ZNF804B: variants seen among roughly 807,000 people sequenced by gnomAD.
ZNF804B encodes the protein zinc finger 804B.
ZNF804B carries 80 observed loss-of-function variants against 101.4 expected under a neutral mutation model. That is an observed-to-expected ratio of 0.79 (90% CI 0.66 to 0.95). ZNF804B has a LOEUF of 0.95. ZNF804B is among the 40% of genes least tolerant of loss of function. ZNF804B has a pLI of 0.00. For synonymous variants in ZNF804B, 622 were observed against 558.8 expected (o/e 1.11, Z -1.59); for missense variants, 1,673 against 1,561.9 (o/e 1.07, Z -1.20).
rs115463859 is a variant in ZNF804B at position 88,933,385 on chromosome 7, A to G, written c.108+173301A>G. ...TTCCCCTGAGAACTGGAACAAGACA[A>G]GGATGCACACTTTAACCACTTCTAT... On this transcript the variant is annotated intron_variant, in intron 1 of 3. Transcript: ENST00000333190. Among the ~76,000 whole-genome samples, 756 of 152,122 alleles carry G rather than the reference A, an allele frequency of 5.0e-3. 8 individuals carry two copies. Among genetic ancestry groups the G allele is most frequent in the African/African-American group, 0.018 (734 of 41,560 alleles).
intron 1 of ZNF804B, among the ~76,000 whole-genome samples, chr7:89,183,325 A>G (rs1051989555): frequency 2.0e-5 from 3 of 152,146 alleles, no homozygotes; most frequent in African/African-American, 7.2e-5. Flanking sequence ...TATGTTGTTC[A>G]TTAGATAAGT....
chr7:89,055,659 C>T (rs1789280191), intron 1 of ZNF804B, among the ~76,000 whole-genome samples: 1 of 152,064 alleles, frequency 6.6e-6, no homozygotes, highest in South Asian at 2.1e-4. Flanking sequence ...AGTGAAAAGT[C>T]TCACACATGC....
chr7:89,337,694 T>C lies in ZNF804B; in HGVS notation c.*662T>C. Reference sequence around the variant, plus strand: ...AATCTATGTCAAGATAATTTTGTAATTGTAAGAATCAGCAAAATCTAAAAC... The same window carrying C: ...AATCTATGTCAAGATAATTTTGTAACTGTAAGAATCAGCAAAATCTAAAAC... On this transcript the variant is annotated 3_prime_UTR_variant, in exon 4 of 4. Transcript: ENST00000333190. 6.6e-6 allele frequency among the ~76,000 whole-genome samples: 1 copy of C among 152,126 alleles called. No individual in the cohort carries two copies. The highest frequency in any genetic ancestry group is 1.9e-4 in the East Asian group (1 of 5,186).
intron 2 of ZNF804B, among the ~76,000 whole-genome samples, chr7:89,317,082 A>G (rs1394527127): frequency 6.6e-6 from 1 of 152,206 alleles, no homozygotes; most frequent in African/African-American, 2.4e-5. Flanking sequence ...GCATAGGTAT[A>G]CAGAGACTAA....
chr7:88,886,316 G>T (rs945490548), intron 1 of ZNF804B, among the ~76,000 whole-genome samples: 1 of 152,010 alleles, frequency 6.6e-6, no homozygotes, highest in African/African-American at 2.4e-5. Flanking sequence ...ACAGTGGAGG[G>T]TGGGAGGAGA....
intron 2 of ZNF804B, among the ~76,000 whole-genome samples, chr7:89,254,302 A>T (rs1172639682): frequency 6.6e-6 from 1 of 152,222 alleles, no homozygotes. Flanking sequence ...GCATTTTTAG[A>T]TAACAGTAAA....
intron 1 of ZNF804B, among the ~76,000 whole-genome samples, chr7:89,042,601 T>A (rs1012690534): frequency 1.3e-5 from 2 of 152,182 alleles, no homozygotes; most frequent in Admixed American, 1.3e-4. Context: ...GAATAGATCT[T>A]AGGGTAAAAA....
chr7:89,151,923 G>A (rs965061286), intron 1 of ZNF804B, among the ~76,000 whole-genome samples: 5 of 152,020 alleles, frequency 3.3e-5, no homozygotes, highest in African/African-American at 1.2e-4. Flanking sequence ...TGGTTTCCCT[G>A]TTTTAGTCTT....
chr7:89,050,931 A>G (rs1562871006), intron 1 of ZNF804B, among the ~76,000 whole-genome samples: 1 of 151,960 alleles, frequency 6.6e-6, no homozygotes, highest in African/African-American at 2.4e-5. Flanking sequence ...CATTTTGTTG[A>G]GGTTTTATTA....
intron 2 of ZNF804B, among the ~76,000 whole-genome samples, chr7:89,233,409 TG>T (rs147321429): frequency 0.12 from 17,734 of 150,724 alleles, 1,103 homozygotes; most frequent in Middle Eastern, 0.25. Flanking sequence ...AAATATATAA[TG>T]TATTTTTTAT....
At chr7:89,217,797 A>G (rs1788920289) in intron 1 of ZNF804B, among the ~76,000 whole-genome samples, 1 of 152,146 alleles carries the variant, frequency 6.6e-6, no homozygotes. Context: ...ATAGAATTGC[A>G]TAGGACACTA....
intron 1 of ZNF804B, 41 bp from the exon 2 acceptor site, chr7:89,218,114 A>G (rs1483670788): frequency 1.3e-6 from 2 of 1,586,252 alleles, no homozygotes; most frequent in Admixed American, 1.7e-5. Flanking sequence ...TTATGCTATT[A>G]GAGAGAAGTC....
chr7:89,284,798 G>C lies in ZNF804B; in HGVS notation c.250-42546G>C, dbSNP rs536856692. Among the ~76,000 whole-genome samples, 18 of 152,190 alleles carry C rather than the reference G, an allele frequency of 1.2e-4. No individual in the cohort carries two copies. In the East Asian group the frequency reaches 3.5e-3, roughly 30 times the overall value. ...GCTAATTTAATGCTAACAAAGGATG[G>C]TGTGATAATTTTAGAAACATTTTTG... On this transcript the variant is annotated intron_variant, in intron 2 of 3. Transcript: ENST00000333190.
In ZNF804B at chr7:88,759,960, C is replaced by T. The variant is rs200869964; in HGVS notation, c.-17C>T. 563 of 1,612,040 alleles carry T rather than the reference C, an allele frequency of 3.5e-4. 5 individuals carry two copies. The highest frequency in any genetic ancestry group is 9.3e-6 in the Non-Finnish European group (11 of 1,178,130). On this transcript the variant is annotated 5_prime_UTR_variant, in exon 1 of 4. Transcript: ENST00000333190. ...CCTGGTGAGGAGTTGAGACTCTGCG[C>T]CTCCGCCCGGACCCACATGGCTTGT...
chr7:89,223,731 C>T (rs1458894687), intron 2 of ZNF804B, among the ~76,000 whole-genome samples: 1 of 151,528 alleles, frequency 6.6e-6, no homozygotes, highest in African/African-American at 2.4e-5. Context: ...TAGAGAAAGG[C>T]AGCTCATCAA....
intron 1 of ZNF804B, among the ~76,000 whole-genome samples, chr7:88,900,716 T>C (rs906837629): frequency 6.6e-6 from 1 of 151,388 alleles, no homozygotes; most frequent in African/African-American, 2.4e-5. Flanking sequence ...TAGAATGATA[T>C]AAAAAGTATT....
intron 1 of ZNF804B, among the ~76,000 whole-genome samples, chr7:88,819,659 CAAATA>C (rs1354988099): frequency 6.6e-6 from 1 of 152,032 alleles, no homozygotes; most frequent in Non-Finnish European, 1.5e-5. Flanking sequence ...TAAAAATCCA[CAAATA>C]AAATTAAAAA....
At chr7:89,274,360 T>A (rs1789945601) in intron 2 of ZNF804B, among the ~76,000 whole-genome samples, 1 of 111,304 alleles carries the variant, frequency 9.0e-6, no homozygotes, top group Non-Finnish European at 1.8e-5. Flanking sequence ...CCTTCCTGTG[T>A]CCATGCGATC....
At position 88,788,899 on chromosome 7, in the gene ZNF804B, T is replaced by C. The variant is rs1364911519; in HGVS notation, c.108+28815T>C. 2.0e-5 allele frequency among the ~76,000 whole-genome samples: 3 copies of C among 152,118 alleles called. No homozygotes were observed. The South Asian group carries it at 6.2e-4, about 32-fold the overall frequency. ...TAAATGGTAATCTTTTCAACTGAAA[T>C]TACAGGTGAACTAATTCTATAAATA... On this transcript the variant is annotated intron_variant, in intron 1 of 3. Transcript: ENST00000333190.
Sources: allele counts gnomAD v4.1 joint callset (sites outside exome capture counted in the v4.1 genomes callset), GRCh38; gene constraint gnomAD v4.1.1; transcripts MANE v1.5; gene names NCBI Gene and HGNC (gene_info 2026-07-23, HGNC 2026-07-21).